Variants in KLF12 observed in about 807,000 individuals in gnomAD.
The protein encoded by KLF12 is KLF transcription factor 12, also known as Krueppel-like factor 12.
KLF12 carries 9 observed loss-of-function variants against 37.8 expected under a neutral mutation model. The ratio of observed to expected loss-of-function variants is 0.24; its 90% CI spans 0.14 to 0.42. The LOEUF is 0.42. Ranked by LOEUF, KLF12 falls within the 10% of genes least tolerant of loss-of-function variation. KLF12 has a pLI of 1.00. For synonymous variants in KLF12, 208 were observed against 202.1 expected (o/e 1.03, Z -0.25); for missense variants, 411 against 516.0 (o/e 0.80, Z 1.97).
At chr13:74,242,600 AAC>A in the KLF12 span, among the ~76,000 whole-genome samples, 1 of 152,242 alleles carries the variant, frequency 6.6e-6, no homozygotes, top group African/African-American at 2.4e-5. Flanking sequence ...AAATGATATC[AAC>A]ACACACGTGT....
At chr13:73,948,334 G>A (rs1186740375) in intron 2 of KLF12, among the ~76,000 whole-genome samples, 1 of 152,022 alleles carries the variant, frequency 6.6e-6, no homozygotes, top group Non-Finnish European at 1.5e-5. Flanking sequence ...CAATTCTTGT[G>A]CCTCAGCATC....
intron 1 of KLF12, among the ~76,000 whole-genome samples, chr13:74,041,691 TACACAC>T (rs59315484): frequency 0.098 from 13,994 of 142,320 alleles, 687 homozygotes; most frequent in Non-Finnish European, 0.12. Context: ...ATCGCTGATT[TACACAC>T]ACACACACAC....
rs1210195299 is a variant in KLF12, at chr13:73,857,951, C to G, written c.124-11578G>C. On this transcript the variant is annotated intron_variant, in intron 3 of 7. Coordinates refer to ENST00000377669, the MANE Select transcript of KLF12 (RefSeq NM_007249.5). ...AAAAATGTTAGTATACAAAACTATA[C>G]AAAAAGTATGAGCTTAATTTTGTCC... Among the ~76,000 whole-genome samples the G allele has an allele frequency of 2.6e-5, 4 of 152,010 alleles. No individual in the cohort carries two copies. In the East Asian group the frequency reaches 7.7e-4, roughly 29 times the overall value.
At chr13:73,929,145 A>G (rs148877482) in intron 3 of KLF12, among the ~76,000 whole-genome samples, 32 of 152,344 alleles carry the variant, frequency 2.1e-4, no homozygotes, top group African/African-American at 7.2e-4. Context: ...AGTGATTGTA[A>G]GTAGATTCAA....
At chr13:73,936,473 C>T (rs1197455678) in intron 3 of KLF12, among the ~76,000 whole-genome samples, 4 of 152,130 alleles carry the variant, frequency 2.6e-5, no homozygotes, top group Non-Finnish European at 4.4e-5. Context: ...TATGGCCGAC[C>T]TTTCCTTGCC....
At chr13:74,254,703 G>A in the KLF12 span, among the ~76,000 whole-genome samples, 7 of 152,110 alleles carry the variant, frequency 4.6e-5, no homozygotes, top group Admixed American at 3.9e-4. Flanking sequence ...AGCTAGACAG[G>A]GAAGTGACTC....
At position 73,686,359 on chromosome 13, in the gene KLF12, C is replaced by A. The variant is rs1873501337; in HGVS notation, c.*9131G>T. On this transcript the variant is annotated 3_prime_UTR_variant, in exon 8 of 8. Transcript: ENST00000377669. Reference sequence around the variant, plus strand: ...GGTCTCCCTTTACATTATCATAGGGCAAAAAAATCACCATTTTACAGTAAA... The same window carrying A: ...GGTCTCCCTTTACATTATCATAGGGAAAAAAAATCACCATTTTACAGTAAA... 1 of 152,280 alleles carries A rather than the reference C, an allele frequency of 6.6e-6. No homozygotes were observed. Among genetic ancestry groups the A allele is most frequent in the Non-Finnish European group, 1.5e-5 (1 of 67,972 alleles). The allele number at this position is 152,280 out of a possible 1,614,324, so 9.4% of individuals were successfully genotyped here. A position where few individuals can be genotyped will look rare whatever the true frequency, so the allele number is the denominator to read the frequency against.
chr13:74,123,339 G>C (rs1877749572), intron 1 of KLF12, among the ~76,000 whole-genome samples: 1 of 152,184 alleles, frequency 6.6e-6, no homozygotes. Flanking sequence ...ACTCCAAAGA[G>C]ACTACGGCAT....
chr13:73,948,089 C>T (rs896519402), intron 2 of KLF12, among the ~76,000 whole-genome samples: 3 of 152,288 alleles, frequency 2.0e-5, no homozygotes, highest in Non-Finnish European at 4.4e-5. Flanking sequence ...TAAATCTTCA[C>T]GTTCAGCTAC....
intron 2 of KLF12, among the ~76,000 whole-genome samples, chr13:73,993,606 A>T (rs1166380577): frequency 6.6e-6 from 1 of 152,232 alleles, no homozygotes; most frequent in Non-Finnish European, 1.5e-5. Flanking sequence ...GGTAAAGAAC[A>T]TTTCCATGTT....
rs1454714153 is a variant in KLF12, at chr13:73,778,717, G to C, written c.807-13717C>G. Among the ~76,000 whole-genome samples, 8 of 152,166 alleles carry C rather than the reference G, an allele frequency of 5.3e-5. No individual in the cohort carries two copies. In the East Asian group the frequency reaches 1.5e-3, roughly 29 times the overall value. ...CACCAAACAACAGCCTGTCACGCAG[G>C]TATTATTCTCACTTTGCCAACGAGA... On this transcript the variant is annotated intron_variant, in intron 5 of 7. Coordinates refer to ENST00000377669, the MANE Select transcript of KLF12 (RefSeq NM_007249.5).
At chr13:74,226,354 T>A in the KLF12 span, among the ~76,000 whole-genome samples, 48 of 152,266 alleles carry the variant, frequency 3.2e-4, no homozygotes, top group Non-Finnish European at 5.9e-5. Flanking sequence ...AAGGTGTCTT[T>A]GGAATTTCTG....
chr13:73,696,380 C>G (rs1372994565), intron 7 of KLF12, among the ~76,000 whole-genome samples: 1 of 152,122 alleles, frequency 6.6e-6, no homozygotes, highest in Non-Finnish European at 1.5e-5. Context: ...TCTGAAGAAG[C>G]ATGTAATTTG....
At chr13:74,207,508 T>G in the KLF12 span, among the ~76,000 whole-genome samples, 1 of 152,042 alleles carries the variant, frequency 6.6e-6, no homozygotes, top group Non-Finnish European at 1.5e-5. Context: ...ACCCCGTCTC[T>G]ACTAAAAATA....
At chr13:74,167,482 A>C in the KLF12 span, among the ~76,000 whole-genome samples, 1 of 152,196 alleles carries the variant, frequency 6.6e-6, no homozygotes, top group Admixed American at 6.5e-5. Flanking sequence ...TATTTTTAAA[A>C]ATCTACTTTC....
At chr13:73,791,598 T>C (rs189046808) in intron 5 of KLF12, among the ~76,000 whole-genome samples, 27 of 152,352 alleles carry the variant, frequency 1.8e-4, no homozygotes, top group Admixed American at 9.8e-4. Context: ...CATATCTAGG[T>C]AGTAACATTT....
chr13:74,260,628 T>TA, the KLF12 span, among the ~76,000 whole-genome samples: 1 of 139,990 alleles, frequency 7.1e-6, no homozygotes, highest in African/African-American at 2.7e-5. Context: ...TAAAATAAAA[T>TA]AGTGAATTAA....
At chr13:73,913,251 C>T (rs1045818138) in intron 3 of KLF12, among the ~76,000 whole-genome samples, 10 of 152,160 alleles carry the variant, frequency 6.6e-5, no homozygotes, top group African/African-American at 1.9e-4. Context: ...TCTCCTTACA[C>T]GTCACTTAGT....
At chr13:74,154,885 C>A in the KLF12 span, among the ~76,000 whole-genome samples, 5 of 152,210 alleles carry the variant, frequency 3.3e-5, no homozygotes, top group Admixed American at 3.3e-4. Context: ...CTTGTTTCTT[C>A]TTCCAAAGTC....
Sources: allele counts gnomAD v4.1 joint callset (sites outside exome capture counted in the v4.1 genomes callset), GRCh38; gene constraint gnomAD v4.1.1; transcripts MANE v1.5; gene names NCBI Gene and HGNC (gene_info 2026-07-23, HGNC 2026-07-21).